The following RAMAC variants were observed in gnomAD, a reference collection of about 807,000 sequenced individuals.
The protein encoded by RAMAC is RNA guanine-7 methyltransferase activating subunit, also known as RNA guanine-N7 methyltransferase activating subunit.
RAMAC carries 11 observed loss-of-function variants against 17.9 expected under a neutral mutation model. The ratio of observed to expected loss-of-function variants is 0.61; its 90% CI spans 0.39 to 1.02. The LOEUF is 1.02. Ranked by LOEUF, RAMAC falls within the 50% of genes least tolerant of loss-of-function variation. The pLI, the probability that RAMAC is intolerant of heterozygous loss-of-function variation, is 0.01. For missense variants in RAMAC, 109 were observed against 144.0 expected, an observed-to-expected ratio of 0.76 and a Z score of 1.25; for synonymous variants, 27 against 48.4, an observed-to-expected ratio of 0.56 and a Z score of 1.84.
rs2032402011 is a variant in RAMAC, at chr15:82,990,737, A to G, written c.*670A>G. 8.3e-7 allele frequency: 1 copy of G among 1,199,860 alleles called. No homozygotes were observed. Among genetic ancestry groups the G allele is most frequent in the Non-Finnish European group, 1.2e-6 (1 of 831,070 alleles). 74.3% of individuals were successfully genotyped at this position (1,199,860 alleles called of 1,614,324 possible). ...GATAAGGGTACACATCATTTTATAC[A>G]AACACTAAAGCTTTTTGCTAACAAC... On this transcript the variant is annotated 3_prime_UTR_variant, in exon 4 of 4. Coordinates refer to ENST00000304191, the MANE Select transcript of RAMAC (RefSeq NM_031452.4).
chr15:82,990,783 CATAAGA>C lies in RAMAC; in HGVS notation c.*718_*723del. On this transcript the variant is annotated 3_prime_UTR_variant, in exon 4 of 4. Coordinates refer to ENST00000304191, the MANE Select transcript of RAMAC (RefSeq NM_031452.4). ...ACAACATAGCAGGTCAAAATTCACA[CATAAGA>C]AAGTTTAACTCTGTACTGTTCACAC... is the stretch of plus-strand genomic sequence containing the variant. The C allele has an allele frequency of 1.4e-6, 1 of 740,040 alleles. No individual in the cohort carries two copies. Among genetic ancestry groups the C allele is most frequent in the Middle Eastern group, 2.4e-4 (1 of 4,240 alleles). 45.8% of individuals were successfully genotyped at this position (740,040 alleles called of 1,614,324 possible).
chr15:82,989,169 C>T lies in RAMAC; in HGVS notation c.151C>T (p.Gln51Ter). The T allele has an allele frequency of 8.1e-6, 13 of 1,612,226 alleles. No homozygotes were observed. The highest frequency in any genetic ancestry group is 1.1e-5 in the Non-Finnish European group (13 of 1,179,432). Residue 51 changes from glutamine to a stop codon, truncating the protein, a stop_gained, in exon 3 of 4, where the codon CAA (glutamine) becomes TAA (stop). Transcript: ENST00000304191. LOFTEE classifies it high-confidence loss of function. Reference protein sequence around the residue: ...EEWNSRAGGNQRNRGNRLQDN... With the variant: ...EEWNSRAGGN ...ATGGAATAGCAGAGCTGGTGGGAAC[C>T]AAAGAAACAGAGGCAATCGGTGTGT...
rs147533881 is a variant in RAMAC, at chr15:82,989,963, C to T, written c.253C>T (p.Arg85Ter). 3 of 1,609,542 alleles carry T rather than the reference C, an allele frequency of 1.9e-6. No individual in the cohort carries two copies. The highest frequency in any genetic ancestry group is 2.5e-6 in the Non-Finnish European group (3 of 1,177,930). The stretch of plus-strand genomic sequence containing the variant: ...CAATCGATCCAATCAGTGGCATGGA[C>T]GATCCTGGGGTAACAACTACCCGCA... Reference protein sequence around the residue: ...SDNRSNQWHGRSWGNNYPQHR... With the variant: ...SDNRSNQWHG Residue 85 changes from arginine (R) to a stop codon, truncating the protein, a stop_gained, in exon 4 of 4, where the codon CGA becomes TGA. Coordinates refer to ENST00000304191, the MANE Select transcript of RAMAC (RefSeq NM_031452.4). LOFTEE classifies it high-confidence loss of function.
intron 3 of RAMAC, among the ~76,000 whole-genome samples, chr15:82,989,401 G>GT (rs1166539956): frequency 3.9e-5 from 6 of 152,078 alleles, no homozygotes; most frequent in South Asian, 2.1e-4. Flanking sequence ...AAGTGCGTGT[G>GT]TTTTTTTGTT....
chr15:82,990,445 A>G lies in RAMAC; in HGVS notation c.*378A>G. On this transcript the variant is annotated 3_prime_UTR_variant, in exon 4 of 4. Transcript: ENST00000304191. ...CATATGCTTAGATGTGCTCGTTTCTAAAATTCTAGAGGTTGATATAATCAG... is the reference window on the plus strand; with the variant it reads ...CATATGCTTAGATGTGCTCGTTTCTGAAATTCTAGAGGTTGATATAATCAG... The G allele has an allele frequency of 2.0e-6, 1 of 511,074 alleles. No individual in the cohort carries two copies. Among genetic ancestry groups the G allele is most frequent in the South Asian group, 2.8e-5 (1 of 35,126 alleles). The allele number at this position is 511,074 out of a possible 1,614,324, so 31.7% of individuals were successfully genotyped here.
chr15:82,990,254 CTG>C lies in RAMAC; in HGVS notation c.*190_*191del, dbSNP rs1463904370. 4 of 265,936 alleles carry C rather than the reference CTG, an allele frequency of 1.5e-5. No individual in the cohort carries two copies. The highest frequency in any genetic ancestry group is 1.4e-4 in the East Asian group (3 of 21,018). 16.5% of individuals were successfully genotyped at this position (265,936 alleles called of 1,614,324 possible). A position where few individuals can be genotyped will look rare whatever the true frequency, so the allele number is the denominator to read the frequency against. On this transcript the variant is annotated 3_prime_UTR_variant, in exon 4 of 4. Transcript: ENST00000304191. ...CGATGGTTGCTGGGAATACCTGAAACTGTGGATTATATTGCTTGACTTCTACC... is the reference window on the plus strand; with the variant it reads ...CGATGGTTGCTGGGAATACCTGAAACTGGATTATATTGCTTGACTTCTACC...
At chr15:82,986,754 A>G (rs2030629444) in intron 1 of RAMAC, among the ~76,000 whole-genome samples, 1 of 152,202 alleles carries the variant, frequency 6.6e-6, no homozygotes, top group African/African-American at 2.4e-5. Flanking sequence ...GCAGTATTCA[A>G]GTACAAATCT....
chr15:82,989,810 C>G, intron 3 of RAMAC, 71 bp from the exon 4 acceptor site: 1 of 1,543,894 alleles, frequency 6.5e-7, no homozygotes, highest in Non-Finnish European at 8.8e-7. Flanking sequence ...ACCAGAAGCA[C>G]TGCTATGGGT....
chr15:82,989,654 T>C (rs2030773438), intron 3 of RAMAC, among the ~76,000 whole-genome samples: 1 of 152,236 alleles, frequency 6.6e-6, no homozygotes, highest in African/African-American at 2.4e-5. Context: ...ATTGGTTATA[T>C]AGTCTGCCTA....
chr15:82,989,294 G>C, intron 3 of RAMAC, 106 bp downstream of exon 3: 14 of 1,081,248 alleles, frequency 1.3e-5, no homozygotes, highest in Non-Finnish European at 1.8e-5. Flanking sequence ...TTTTGGTATG[G>C]CATACCTAGT....
In RAMAC at chr15:82,990,253, A is replaced by G; in HGVS notation, c.*186A>G. 7.6e-6 allele frequency: 2 copies of G among 264,508 alleles called. No individual in the cohort carries two copies. The highest frequency in any genetic ancestry group is 1.2e-5 in the Non-Finnish European group (2 of 163,090). 16.4% of individuals were successfully genotyped at this position (264,508 alleles called of 1,614,324 possible). ...GCGATGGTTGCTGGGAATACCTGAA[A>G]CTGTGGATTATATTGCTTGACTTCT... On this transcript the variant is annotated 3_prime_UTR_variant, in exon 4 of 4. Transcript: ENST00000304191.
intron 2 of RAMAC, 151 bp from the exon 3 acceptor site, chr15:82,988,859 T>A: frequency 1.5e-6 from 1 of 683,466 alleles, no homozygotes; most frequent in Non-Finnish European, 2.4e-6. Context: ...AAATGTTGAA[T>A]TCAATATCTA....
chr15:82,990,075 G>C lies in RAMAC; in HGVS notation c.*8G>C, dbSNP rs938952496. ...CCTTACGGTTACTACTGATAGAAAT[G>C]TTGGCAGCTTTTAGTAAAAGCATTT... is the stretch of plus-strand genomic sequence containing the variant. On this transcript the variant is annotated 3_prime_UTR_variant, in exon 4 of 4. Transcript: ENST00000304191. The C allele has an allele frequency of 7.7e-7, 1 of 1,304,772 alleles. No individual in the cohort carries two copies. The highest frequency in any genetic ancestry group is 1.7e-5 in the African/African-American group (1 of 60,426). 80.8% of individuals were successfully genotyped at this position (1,304,772 alleles called of 1,614,324 possible). A position where few individuals can be genotyped will look rare whatever the true frequency, so the allele number is the denominator to read the frequency against.
intron 2 of RAMAC, chr15:82,988,717 C>A (rs117448539): frequency 1.3e-5 from 6 of 457,472 alleles, no homozygotes; most frequent in Admixed American, 1.3e-4. Context: ...ACCTGTAGTT[C>A]CAGCAACTTG....
At chr15:82,986,941 G>C (rs755987968) in intron 1 of RAMAC, among the ~76,000 whole-genome samples, 7 of 148,334 alleles carry the variant, frequency 4.7e-5, no homozygotes, top group Non-Finnish European at 9.0e-5. Flanking sequence ...TTTGTTTTTT[G>C]TTTTTTTTTT....
chr15:82,988,654 G>A (rs920767310), intron 2 of RAMAC: 12 of 433,378 alleles, frequency 2.8e-5, no homozygotes, highest in East Asian at 8.0e-5. Flanking sequence ...GCAACATGGC[G>A]AGATCCCGTC....
Position 82,986,248 on chromosome 15 carries a change from A to G in RAMAC, c.-180A>G, listed in dbSNP as rs573501011. 7 of 253,074 alleles carry G rather than the reference A, an allele frequency of 2.8e-5. No individual in the cohort carries two copies. Among genetic ancestry groups the G allele is most frequent in the African/African-American group, 1.2e-4 (5 of 43,436 alleles). 15.7% of individuals were successfully genotyped at this position (253,074 alleles called of 1,614,324 possible). A position where few individuals can be genotyped will look rare whatever the true frequency, so the allele number is the denominator to read the frequency against. Reference sequence around the variant, plus strand: ...ATTTTAGAGGAAGGCGCTCGGTTACATTGGAGAACTGGAGTGGTCTGGAGT... The same window carrying G: ...ATTTTAGAGGAAGGCGCTCGGTTACGTTGGAGAACTGGAGTGGTCTGGAGT... On this transcript the variant is annotated 5_prime_UTR_variant, in exon 1 of 4. Coordinates refer to ENST00000304191, the MANE Select transcript of RAMAC (RefSeq NM_031452.4).
intron 2 of RAMAC, chr15:82,988,694 G>A (rs1203753586): frequency 4.4e-6 from 2 of 455,578 alleles, no homozygotes; most frequent in Non-Finnish European, 8.6e-6. Flanking sequence ...TTAGCCGGGT[G>A]TGGGTGGCAT....
At chr15:82,986,921 G>GT (rs1567083521) in intron 1 of RAMAC, among the ~76,000 whole-genome samples, 1 of 151,764 alleles carries the variant, frequency 6.6e-6, no homozygotes. Flanking sequence ...TCTTTAGAGC[G>GT]TTTTTTTGGT....
Sources: gnomAD v4.1 joint callset for allele counts (sites outside exome capture counted in the v4.1 genomes callset) on GRCh38, gnomAD v4.1.1 for gene constraint, MANE v1.5 for transcripts, NCBI Gene and HGNC (gene_info 2026-07-23, HGNC 2026-07-21) for gene names.